Variants in PIK3C2G observed in about 807,000 individuals in gnomAD.
PIK3C2G encodes phosphatidylinositol 3-kinase C2 domain-containing subunit gamma.
A neutral mutation model predicts 181.1 loss-of-function variants in PIK3C2G; 168 were observed. That is an observed-to-expected ratio of 0.93 (90% CI 0.82 to 1.05). The LOEUF is 1.05. Ranked by LOEUF, PIK3C2G falls within the 50% of genes least tolerant of loss-of-function variation. The pLI is 0.00. For synonymous variants in PIK3C2G, 573 were observed against 592.2 expected, an observed-to-expected ratio of 0.97 and a Z score of 0.47; for missense variants, 1,869 against 1,732.8, an observed-to-expected ratio of 1.08 and a Z score of -1.40.
intron 8 of PIK3C2G, among the ~76,000 whole-genome samples, chr12:18,334,111 G>A (rs1938265964): frequency 6.6e-6 from 1 of 151,998 alleles, no homozygotes; most frequent in South Asian, 2.1e-4. Flanking sequence ...TAACATCATA[G>A]TGCTGTTTTC....
intron 18 of PIK3C2G, among the ~76,000 whole-genome samples, chr12:18,442,874 A>C (rs568775805): frequency 1.4e-5 from 2 of 143,924 alleles, no homozygotes; most frequent in South Asian, 4.4e-4. Context: ...AATATCCTAC[A>C]TTTTTTTTTT....
intron 31 of PIK3C2G, among the ~76,000 whole-genome samples, chr12:18,618,730 A>T (rs1379901257): frequency 1.3e-5 from 2 of 152,294 alleles, no homozygotes; most frequent in South Asian, 2.1e-4. Context: ...ACTTGAAATC[A>T]ATGAAATGTT....
intron 31 of PIK3C2G, among the ~76,000 whole-genome samples, chr12:18,639,816 C>T (rs1949766719): frequency 6.6e-6 from 1 of 152,072 alleles, no homozygotes; most frequent in Non-Finnish European, 1.5e-5. Flanking sequence ...CTGCCTTAGG[C>T]AACTTTTGGA....
chr12:18,685,629 A>G, the PIK3C2G span: 8 of 516,952 alleles, frequency 1.5e-5, no homozygotes, highest in African/African-American at 1.3e-4. Context: ...TAATTGGCTC[A>G]TGCTGGAATA....
At chr12:18,252,571 T>A (rs1361673135) in intron 1 of PIK3C2G, among the ~76,000 whole-genome samples, 1 of 152,084 alleles carries the variant, frequency 6.6e-6, no homozygotes, top group Non-Finnish European at 1.5e-5. Context: ...TATGCTAAAT[T>A]CAATGAAGAA....
chr12:18,292,227 A>AAAAAATATATAT, intron 4 of PIK3C2G, among the ~76,000 whole-genome samples: 42 of 48,718 alleles, frequency 8.6e-4, no homozygotes, highest in African/African-American at 4.2e-3. Context: ...AAAAAAAAAA[A>AAAAAATATATAT]ATATATATAT....
At chr12:18,416,688 T>C (rs566314559) in intron 16 of PIK3C2G, among the ~76,000 whole-genome samples, 2 of 152,340 alleles carry the variant, frequency 1.3e-5, no homozygotes, top group African/African-American at 4.8e-5. Context: ...CATGGTTTAC[T>C]GAATATGTTA....
intron 18 of PIK3C2G, among the ~76,000 whole-genome samples, chr12:18,449,297 T>A (rs1007865745): frequency 2.6e-5 from 4 of 152,126 alleles, no homozygotes; most frequent in Non-Finnish European, 5.9e-5. Context: ...TTATTTTTTT[T>A]ATTTTACTTT....
intron 1 of PIK3C2G, among the ~76,000 whole-genome samples, chr12:18,255,206 C>T (rs576110882): frequency 8.0e-6 from 1 of 124,634 alleles, no homozygotes; most frequent in South Asian, 2.5e-4. Flanking sequence ...ATGAGTGAAA[C>T]TCCGTCTCAA....
rs183333439 is a variant in PIK3C2G at position 18,253,014 on chromosome 12, A to G, written c.-79+4932A>G. Among the ~76,000 whole-genome samples, 828 of 152,282 alleles carry G rather than the reference A, an allele frequency of 5.4e-3. 4 individuals are homozygous for G. Among genetic ancestry groups the G allele is most frequent in the Middle Eastern group, 0.01 (3 of 294 alleles). The stretch of plus-strand genomic sequence containing the variant: ...TTCCCTGAGATGATGGAAATGTTCC[A>G]TATCCTGACAAGATAAGACAGGTCT... On this transcript the variant is annotated intron_variant, in intron 1 of 11. Coordinates refer to the PIK3C2G transcript ENST00000535651.
chr12:18,694,488 T>A, the PIK3C2G span, among the ~76,000 whole-genome samples: 11 of 152,116 alleles, frequency 7.2e-5, no homozygotes. Context: ...AATCCTGACC[T>A]ACAAAAGCCT....
At chr12:18,589,466 C>A (rs973537747) in intron 29 of PIK3C2G, among the ~76,000 whole-genome samples, 8 of 151,846 alleles carry the variant, frequency 5.3e-5, no homozygotes, top group African/African-American at 1.9e-4. Context: ...TAAATTATAG[C>A]ATCTTTATGA....
the PIK3C2G span, among the ~76,000 whole-genome samples, chr12:18,674,580 C>A: frequency 6.6e-6 from 1 of 152,132 alleles, no homozygotes; most frequent in Admixed American, 6.6e-5. Flanking sequence ...AGTCTGCCAA[C>A]CATTATTCTT....
intron 18 of PIK3C2G, among the ~76,000 whole-genome samples, chr12:18,452,376 C>A (rs542947086): frequency 3.3e-5 from 5 of 152,146 alleles, no homozygotes; most frequent in African/African-American, 7.2e-5. Flanking sequence ...TTATAGTATT[C>A]TCTGGTGGTA....
At chr12:18,416,684 T>C (rs758288801) in intron 16 of PIK3C2G, among the ~76,000 whole-genome samples, 12 of 152,178 alleles carry the variant, frequency 7.9e-5, no homozygotes, top group Non-Finnish European at 1.3e-4. Flanking sequence ...ACAGCATGGT[T>C]TACTGAATAT....
At chr12:18,300,429 G>A (rs1950126294) in intron 5 of PIK3C2G, among the ~76,000 whole-genome samples, 1 of 151,884 alleles carries the variant, frequency 6.6e-6, no homozygotes, top group Non-Finnish European at 1.5e-5. Context: ...TCTGATATAA[G>A]TATAGCTACT....
the PIK3C2G span, among the ~76,000 whole-genome samples, chr12:18,705,542 T>C: frequency 6.6e-6 from 1 of 152,170 alleles, no homozygotes; most frequent in Non-Finnish European, 1.5e-5. Flanking sequence ...TAGGAACAAC[T>C]GAAGCATCCA....
At chr12:18,438,701 C>A (rs1176599155) in intron 18 of PIK3C2G, among the ~76,000 whole-genome samples, 2 of 151,602 alleles carry the variant, frequency 1.3e-5, no homozygotes. Flanking sequence ...ATAAAAATAA[C>A]AATAAAAGAT....
At chr12:18,559,170 A>T (rs750743942) in intron 26 of PIK3C2G, among the ~76,000 whole-genome samples, 4 of 152,220 alleles carry the variant, frequency 2.6e-5, no homozygotes, top group Non-Finnish European at 5.9e-5. Context: ...ATTTTACTTT[A>T]TATTTTCCTG....
Sources: gnomAD v4.1 joint callset for allele counts (sites outside exome capture counted in the v4.1 genomes callset) on GRCh38, gnomAD v4.1.1 for gene constraint, MANE v1.5 for transcripts, NCBI Gene and HGNC (gene_info 2026-07-23, HGNC 2026-07-21) for gene names.